Variants in PCDHGA3 observed in about 807,000 individuals in gnomAD.
The protein encoded by PCDHGA3 is protocadherin gamma-A3.
PCDHGA3 carries 40 observed loss-of-function variants against 58.5 expected under a neutral mutation model. The observed-to-expected ratio is 0.68, with a 90% CI of 0.53 to 0.89. PCDHGA3 has a LOEUF of 0.89. PCDHGA3 is among the 40% of genes least tolerant of loss of function. The probability of loss-of-function intolerance (pLI) is 0.00; values close to 1 mark genes in which losing one functional copy is unlikely to be tolerated. For synonymous variants in PCDHGA3, 530 were observed against 525.7 expected, an observed-to-expected ratio of 1.01 and a Z score of -0.11; for missense variants, 1,223 against 1,195.9, an observed-to-expected ratio of 1.02 and a Z score of -0.33.
In PCDHGA3 at chr5:141,345,203, G is replaced by A. The variant is rs1259862637; in HGVS notation, c.1170G>A (p.Leu390=). 1.2e-6 allele frequency: 2 copies of A among 1,613,954 alleles called. No individual in the cohort carries two copies. Among genetic ancestry groups the A allele is most frequent in the East Asian group, 4.5e-5 (2 of 44,882 alleles). Residue 390 remains leucine, a synonymous_variant, in exon 1 of 4, where the codon CTG becomes CTA. Transcript: ENST00000253812. ...GQVEVFVLGN[L]PFKLEKSIDQ... ...TTGAAGTTTTTGTCCTGGGAAATCT[G>A]CCATTTAAGTTAGAAAAATCAATAG...
chr5:141,345,602 G>A lies in PCDHGA3; in HGVS notation c.1569G>A (p.Glu523=). Reference sequence around the variant, plus strand: ...ACGCGCTGAGATCCTTCGACTACGAGCAATTTAGAGACTTAAAGCTACTGG... The same window carrying A: ...ACGCGCTGAGATCCTTCGACTACGAACAATTTAGAGACTTAAAGCTACTGG... The part of the protein sequence containing the change: ...VLYALRSFDY[E]QFRDLKLLVT... The change falls in exon 1 of 4, where the codon GAG becomes GAA. Residue 523 remains glutamate, a synonymous_variant. Coordinates refer to ENST00000253812, the MANE Select transcript of PCDHGA3 (RefSeq NM_018916.4). 2 of 1,614,174 alleles carry A rather than the reference G, an allele frequency of 1.2e-6. No individual in the cohort carries two copies. Among genetic ancestry groups the A allele is most frequent in the East Asian group, 4.5e-5 (2 of 44,868 alleles).
chr5:141,446,415 T>C (rs1275165245), intron 1 of PCDHGA3, among the ~76,000 whole-genome samples: 2 of 152,046 alleles, frequency 1.3e-5, no homozygotes, highest in African/African-American at 4.8e-5. Flanking sequence ...GTTCCAGCCA[T>C]GTTCATTTGA....
At chr5:141,346,632 GT>G in intron 1 of PCDHGA3, 175 bp downstream of exon 1, 2 of 975,258 alleles carry the variant, frequency 2.1e-6, no homozygotes, top group Non-Finnish European at 3.0e-6. Flanking sequence ...CCCCGGTCTG[GT>G]TATGGTTGAG....
chr5:141,403,182 T>G (rs1458009956), intron 1 of PCDHGA3: 1 of 1,613,858 alleles, frequency 6.2e-7, no homozygotes, highest in Non-Finnish European at 8.5e-7. Context: ...CTTTTCTCTC[T>G]GAACCCGCGC....
intron 1 of PCDHGA3, among the ~76,000 whole-genome samples, chr5:141,429,416 T>A (rs527999196): frequency 6.6e-6 from 1 of 152,230 alleles, no homozygotes; most frequent in Admixed American, 6.5e-5. Flanking sequence ...GGTCTCATTA[T>A]GTTGCCCAGG....
At chr5:141,382,671 T>C in intron 1 of PCDHGA3, 1 of 434,850 alleles carries the variant, frequency 2.3e-6, no homozygotes, top group Non-Finnish European at 4.0e-6. Context: ...GCGCCGCTGT[T>C]CACCAACCAG....
chr5:141,374,812 T>C, intron 1 of PCDHGA3: 1 of 1,613,998 alleles, frequency 6.2e-7, no homozygotes, highest in Non-Finnish European at 8.5e-7. Flanking sequence ...CAATGTTTAC[T>C]CAGCCTGTCT....
At chr5:141,482,530 C>CAAAAAAAAAAAA (rs3074545) in intron 1 of PCDHGA3, among the ~76,000 whole-genome samples, 11 of 76,552 alleles carry the variant, frequency 1.4e-4, no homozygotes, top group African/African-American at 2.9e-4. Flanking sequence ...GACAGACATG[C>CAAAAAAAAAAAA]AAAAAAAAAA....
chr5:141,392,649 C>G, intron 1 of PCDHGA3: 1 of 703,200 alleles, frequency 1.4e-6, no homozygotes, highest in Non-Finnish European at 2.2e-6. Flanking sequence ...CACGAAGACC[C>G]GCAGATGCCA....
intron 1 of PCDHGA3, chr5:141,410,284 G>A (rs2095374455): frequency 1.2e-6 from 2 of 1,613,990 alleles, no homozygotes; most frequent in Non-Finnish European, 1.7e-6. Flanking sequence ...ACCTGGTGGT[G>A]GCCTTGGCCT....
intron 1 of PCDHGA3, among the ~76,000 whole-genome samples, chr5:141,480,875 T>C (rs1285607270): frequency 6.6e-6 from 1 of 152,062 alleles, no homozygotes; most frequent in African/African-American, 2.4e-5. Context: ...TGAAACCCCG[T>C]CTCTACTAAA....
At chr5:141,395,170 AGAAAAATGATTCTT>A in intron 1 of PCDHGA3, 1 of 1,614,214 alleles carries the variant, frequency 6.2e-7, no homozygotes, top group Non-Finnish European at 8.5e-7. Flanking sequence ...GAGGGCTGTG[AGAAAAATGATTCTT>A]TGTTAACATC....
intron 1 of PCDHGA3, chr5:141,352,818 G>T: frequency 1.2e-6 from 1 of 812,672 alleles, no homozygotes; most frequent in South Asian, 1.8e-5. Flanking sequence ...GGTAAAACCC[G>T]GTCTACTAAA....
intron 1 of PCDHGA3, chr5:141,375,149 A>G (rs1340397113): frequency 6.2e-7 from 1 of 1,613,944 alleles, no homozygotes. Flanking sequence ...AAGCAGAACA[A>G]TTGCTGAAAG....
intron 1 of PCDHGA3, chr5:141,393,556 G>A (rs758148175): frequency 5.6e-6 from 9 of 1,613,916 alleles, no homozygotes; most frequent in East Asian, 2.2e-5. Flanking sequence ...CCGATTTACC[G>A]AGTGAAAGTC....
In PCDHGA3 at chr5:141,375,335, T is replaced by A. The variant is rs781205937; in HGVS notation, c.2424+28878T>A. On this transcript the variant is annotated intron_variant, in intron 1 of 3. Transcript: ENST00000253812. ...TCTAGACCGGGAAGAGGTATTCTTG[T>A]ACAACATCACTGTGACAGCCACGGA... is the stretch of plus-strand genomic sequence containing the variant. 1.7e-5 allele frequency: 27 copies of A among 1,613,694 alleles called. No homozygotes were observed. The Admixed American group carries it at 3.8e-4, about 23-fold the overall frequency.
At chr5:141,501,926 C>T (rs1388315216) in intron 2 of PCDHGA3, among the ~76,000 whole-genome samples, 1 of 152,126 alleles carries the variant, frequency 6.6e-6, no homozygotes, top group African/African-American at 2.4e-5. Flanking sequence ...AGCTTTGTTC[C>T]CTCAACACCA....
chr5:141,408,219 C>T (rs560438654), intron 1 of PCDHGA3: 4 of 1,557,930 alleles, frequency 2.6e-6, no homozygotes, highest in East Asian at 4.8e-5. Flanking sequence ...GGGAGCTGCG[C>T]GCAGAGGCGC....
chr5:141,353,490 G>T (rs1435976682), intron 1 of PCDHGA3, among the ~76,000 whole-genome samples: 3 of 152,106 alleles, frequency 2.0e-5, no homozygotes, highest in Non-Finnish European at 4.4e-5. Flanking sequence ...TTAACACTTT[G>T]TCTCATCACA....
Sources: gnomAD v4.1 joint callset for allele counts (sites outside exome capture counted in the v4.1 genomes callset) on GRCh38, gnomAD v4.1.1 for gene constraint, MANE v1.5 for transcripts, NCBI Gene and HGNC (gene_info 2026-07-23, HGNC 2026-07-21) for gene names.